The following LRFN5 variants were observed in gnomAD, a reference collection of about 807,000 sequenced individuals.
LRFN5 encodes the protein leucine-rich repeat and fibronectin type-III domain-containing protein 5.
A neutral mutation model predicts 45.6 loss-of-function variants in LRFN5; 24 were observed. That is an observed-to-expected ratio of 0.53 (90% CI 0.38 to 0.74). The LOEUF is 0.74. Ranked by LOEUF, LRFN5 falls within the 30% of genes least tolerant of loss-of-function variation. LRFN5 has a pLI of 0.00. For missense variants in LRFN5, 776 were observed against 861.5 expected, an observed-to-expected ratio of 0.90 and a Z score of 1.24; for synonymous variants, 340 against 313.8, an observed-to-expected ratio of 1.08 and a Z score of -0.88.
intron 4 of LRFN5, among the ~76,000 whole-genome samples, chr14:41,897,670 TAAC>T (rs1890984171): frequency 6.6e-6 from 1 of 152,068 alleles, no homozygotes; most frequent in Admixed American, 6.6e-5. Flanking sequence ...ACTTATCAGA[TAAC>T]AATAGAATAT....
chr14:41,680,016 A>G (rs1326485653), intron 1 of LRFN5, among the ~76,000 whole-genome samples: 1 of 152,092 alleles, frequency 6.6e-6, no homozygotes, highest in Non-Finnish European at 1.5e-5. Flanking sequence ...CCATGAGGAG[A>G]GACCCCACTG....
chr14:41,790,843 C>T (rs1886894220), intron 2 of LRFN5, among the ~76,000 whole-genome samples: 1 of 151,564 alleles, frequency 6.6e-6, no homozygotes, highest in Admixed American at 6.6e-5. Context: ...TTTAAATAAG[C>T]TTTTAGCATA....
rs1014071004 is a variant in LRFN5 at position 41,901,448 on chromosome 14, G to A, written c.2142+2488G>A. 6.4e-4 allele frequency among the ~76,000 whole-genome samples: 98 copies of A among 151,956 alleles called. 2 individuals carry two copies. In the South Asian group the frequency reaches 0.019, roughly 30 times the overall value. ...ATGTATGCATTGTGTGTGTGTGTGT[G>A]TGTGTGTGTGTGTGTGTGTAGCTTT... is the stretch of plus-strand genomic sequence containing the variant. On this transcript the variant is annotated intron_variant, in intron 5 of 5. Transcript: ENST00000298119.
chr14:41,869,544 T>C (rs770709234), intron 2 of LRFN5, among the ~76,000 whole-genome samples: 8 of 152,110 alleles, frequency 5.3e-5, no homozygotes, highest in Non-Finnish European at 8.8e-5. Flanking sequence ...ATTTTAGTTT[T>C]AGTTTTTTAC....
intron 2 of LRFN5, among the ~76,000 whole-genome samples, chr14:41,783,007 G>A (rs1231201842): frequency 1.5e-5 from 2 of 130,824 alleles, no homozygotes; most frequent in Non-Finnish European, 3.1e-5. Context: ...GATGAATCAG[G>A]AAGCCTAGTG....
chr14:41,703,667 A>G (rs912294015), intron 1 of LRFN5, among the ~76,000 whole-genome samples: 3 of 152,112 alleles, frequency 2.0e-5, no homozygotes, highest in Admixed American at 6.6e-5. Context: ...ATAATTGCCT[A>G]CAATAATGTG....
chr14:41,698,574 C>T (rs1882711080), intron 1 of LRFN5, among the ~76,000 whole-genome samples: 1 of 152,022 alleles, frequency 6.6e-6, no homozygotes, highest in South Asian at 2.1e-4. Context: ...CTAGGTGGTT[C>T]TCTTGTGCAG....
intron 2 of LRFN5, among the ~76,000 whole-genome samples, chr14:41,881,127 T>TCTA (rs1183124774): frequency 6.6e-6 from 1 of 152,162 alleles, no homozygotes; most frequent in Non-Finnish European, 1.5e-5. Flanking sequence ...TAGGATTAAG[T>TCTA]CTACTACCTT....
At chr14:41,681,963 C>T (rs575317191) in intron 1 of LRFN5, among the ~76,000 whole-genome samples, 13 of 151,630 alleles carry the variant, frequency 8.6e-5, no homozygotes, top group African/African-American at 1.5e-4. Flanking sequence ...GGATTACAGG[C>T]GTGCGCCATC....
At chr14:41,803,586 A>G (rs756963345) in intron 2 of LRFN5, among the ~76,000 whole-genome samples, 10 of 151,676 alleles carry the variant, frequency 6.6e-5, no homozygotes, top group African/African-American at 2.4e-4. Flanking sequence ...AACTCAAGCA[A>G]TTTTCCTGCC....
intron 2 of LRFN5, among the ~76,000 whole-genome samples, chr14:41,801,240 A>T (rs529023223): frequency 6.6e-6 from 1 of 152,226 alleles, no homozygotes; most frequent in South Asian, 2.1e-4. Context: ...AAAAAATGGA[A>T]CAACAATCCT....
At chr14:41,787,199 A>G (rs1886753486) in intron 2 of LRFN5, among the ~76,000 whole-genome samples, 1 of 152,130 alleles carries the variant, frequency 6.6e-6, no homozygotes, top group Non-Finnish European at 1.5e-5. Flanking sequence ...GATACCAGAC[A>G]TAATGAATTT....
intron 5 of LRFN5, among the ~76,000 whole-genome samples, chr14:41,901,598 CAATAA>C (rs1234016247): frequency 1.3e-5 from 2 of 151,758 alleles, no homozygotes; most frequent in Non-Finnish European, 2.9e-5. Flanking sequence ...GTAAACTTTG[CAATAA>C]AATCTCTGTT....
intron 1 of LRFN5, among the ~76,000 whole-genome samples, chr14:41,679,778 C>T (rs1471602592): frequency 6.6e-6 from 1 of 152,084 alleles, no homozygotes; most frequent in East Asian, 1.9e-4. Flanking sequence ...ACCAGCTCGG[C>T]ACCAATGGAG....
chr14:41,616,769 C>G (rs1158876087), intron 1 of LRFN5, among the ~76,000 whole-genome samples: 1 of 151,864 alleles, frequency 6.6e-6, no homozygotes, highest in African/African-American at 2.4e-5. Context: ...GATGTGAATT[C>G]AAATAGTTGT....
At chr14:41,812,732 TTGA>T (rs1298488036) in intron 2 of LRFN5, among the ~76,000 whole-genome samples, 1 of 152,068 alleles carries the variant, frequency 6.6e-6, no homozygotes, top group Admixed American at 6.6e-5. Context: ...TTAAATAAAA[TTGA>T]TGATGAAAAA....
intron 1 of LRFN5, among the ~76,000 whole-genome samples, chr14:41,683,082 A>G (rs554275492): frequency 6.6e-6 from 1 of 152,322 alleles, no homozygotes; most frequent in Admixed American, 6.5e-5. Context: ...ACAACATTTT[A>G]GCAAATCAAA....
At chr14:41,769,545 T>C (rs1276506320) in intron 2 of LRFN5, among the ~76,000 whole-genome samples, 1 of 152,222 alleles carries the variant, frequency 6.6e-6, no homozygotes, top group Non-Finnish European at 1.5e-5. Flanking sequence ...TGTGTATATA[T>C]GTATATATGT....
chr14:41,712,354 GA>G (rs762139255), intron 1 of LRFN5, among the ~76,000 whole-genome samples: 1 of 152,230 alleles, frequency 6.6e-6, no homozygotes, highest in Non-Finnish European at 1.5e-5. Flanking sequence ...TTGAGGCCAG[GA>G]GTTCGAGACC....
Sources: allele counts gnomAD v4.1 joint callset (sites outside exome capture counted in the v4.1 genomes callset), GRCh38; gene constraint gnomAD v4.1.1; transcripts MANE v1.5; gene names NCBI Gene and HGNC (gene_info 2026-07-23, HGNC 2026-07-21).